TMEM168: variants seen among roughly 807,000 people sequenced by gnomAD.
TMEM168 encodes the protein transmembrane protein 168.
A neutral mutation model predicts 53.2 loss-of-function variants in TMEM168; 40 were observed. The ratio of observed to expected loss-of-function variants is 0.75; its 90% confidence interval spans 0.58 to 0.98. TMEM168 has a LOEUF of 0.98. Among genes scored for constraint, TMEM168 ranks in the 50% least tolerant of loss-of-function variants. The pLI is 0.00. For synonymous variants in TMEM168, 282 were observed against 293.0 expected (o/e 0.96, Z 0.38); for missense variants, 771 against 828.8 (o/e 0.93, Z 0.86).
In TMEM168 at chr7:112,766,992, A is replaced by T; in HGVS notation, c.*205T>A. 1 of 553,382 alleles carries T rather than the reference A, an allele frequency of 1.8e-6. No homozygotes were observed. Among genetic ancestry groups the T allele is most frequent in the Non-Finnish European group, 3.2e-6 (1 of 317,392 alleles). The allele number at this position is 553,382 out of a possible 1,614,324, so 34.3% of individuals were successfully genotyped here. On this transcript the variant is annotated 3_prime_UTR_variant, in exon 5 of 5. Transcript: ENST00000312814. ...CGTCTCTTATGCATTTACAGTAAGC[A>T]TTTGACTCCCTACATACTTTCATTA...
rs536583771 is a variant in TMEM168 at position 112,762,874 on chromosome 7, G to C, written c.*4323C>G. Reference sequence around the variant, plus strand: ...TTCTATGTGTTATAATTAGTGAATAGGTAAGACAATATAAAAAAGGAGATA... The same window carrying C: ...TTCTATGTGTTATAATTAGTGAATACGTAAGACAATATAAAAAAGGAGATA... On this transcript the variant is annotated 3_prime_UTR_variant, in exon 5 of 5. Coordinates refer to ENST00000312814, the MANE Select transcript of TMEM168 (RefSeq NM_022484.6). The C allele has an allele frequency of 2.0e-5, 3 of 151,956 alleles. No individual in the cohort carries two copies. Among genetic ancestry groups the C allele is most frequent in the Non-Finnish European group, 4.4e-5 (3 of 67,882 alleles). 9.4% of individuals were successfully genotyped at this position (151,956 alleles called of 1,614,324 possible).
rs1253472515 is a variant in TMEM168 at position 112,765,794 on chromosome 7, TC to T, written c.*1402del. 1 of 152,542 alleles carries T rather than the reference TC, an allele frequency of 6.6e-6. No homozygotes were observed. The highest frequency in any genetic ancestry group is 2.4e-5 in the African/African-American group (1 of 41,432). 9.4% of individuals were successfully genotyped at this position (152,542 alleles called of 1,614,324 possible). A position where few individuals can be genotyped will look rare whatever the true frequency, so the allele number is the denominator to read the frequency against. ...AATCATATTCAAAACACAGAAATAA[TC>T]AGACTATAACAATGCTGCATAGATA... is the stretch of plus-strand genomic sequence containing the variant. On this transcript the variant is annotated 3_prime_UTR_variant, in exon 5 of 5. Transcript: ENST00000312814.
intron 4 of TMEM168, among the ~76,000 whole-genome samples, chr7:112,770,503 C>T (rs1227173): frequency 0.032 from 4,806 of 152,144 alleles, 240 homozygotes; most frequent in African/African-American, 0.11. Context: ...AATGTAACTG[C>T]TAAACATTTA....
At position 112,767,206 on chromosome 7, in the gene TMEM168, G is replaced by C. The variant is rs1361766031; in HGVS notation, c.2085C>G (p.Val695=). ...CGCTTTGGGGTCCAAATTAAGATTT[G>C]ACAAGTTTGAAGCCTTGTCCTGTGT... is the stretch of plus-strand genomic sequence containing the variant. ...VLDTGQGFKL[V]KS Residue 695 remains valine, a synonymous_variant, in exon 5 of 5, where the codon GTC becomes GTG. Coordinates refer to ENST00000312814, the MANE Select transcript of TMEM168 (RefSeq NM_022484.6). 2 of 1,608,250 alleles carry C rather than the reference G, an allele frequency of 1.2e-6. No homozygotes were observed. Among genetic ancestry groups the C allele is most frequent in the Admixed American group, 3.4e-5 (2 of 58,950 alleles).
At position 112,784,670 on chromosome 7, in the gene TMEM168, T is replaced by TA; in HGVS notation, c.155dup (p.Tyr53IlefsTer58). ...TTGCTGTTTTTTCCCATCTTACGTA[T>TA]AGACCTAAGCATATAGCAACCAATA... On this transcript the variant is annotated frameshift_variant, in exon 2 of 5. Coordinates refer to ENST00000312814, the MANE Select transcript of TMEM168 (RefSeq NM_022484.6). LOFTEE classifies it high-confidence loss of function. 1 of 1,613,766 alleles carries TA rather than the reference T, an allele frequency of 6.2e-7. No homozygotes were observed. The highest frequency in any genetic ancestry group is 8.5e-7 in the Non-Finnish European group (1 of 1,179,944).
Position 112,766,182 on chromosome 7 carries a change from T to C in TMEM168, c.*1015A>G, listed in dbSNP as rs1323441077. The C allele has an allele frequency of 6.6e-6, 1 of 152,488 alleles. No individual in the cohort carries two copies. Among genetic ancestry groups the C allele is most frequent in the African/African-American group, 2.4e-5 (1 of 41,436 alleles). 9.4% of individuals were successfully genotyped at this position (152,488 alleles called of 1,614,324 possible). Reference sequence around the variant, plus strand: ...TTATGCCTAACTAAAATTGCCAATATGAATACTTTTTTACAGAATACATTA... The same window carrying C: ...TTATGCCTAACTAAAATTGCCAATACGAATACTTTTTTACAGAATACATTA... On this transcript the variant is annotated 3_prime_UTR_variant, in exon 5 of 5. Transcript: ENST00000312814.
At position 112,767,331 on chromosome 7, in the gene TMEM168, C is replaced by T; in HGVS notation, c.1960G>A (p.Ala654Thr). ...PRITYPLVHLANWLCGLNLFW... is the reference protein window; with the variant it reads ...PRITYPLVHLTNWLCGLNLFW... ...AGGTTCAGACCGCATAACCAATTTG[C>T]CAAATGCACTAGGGGATATGTAATA... Residue 654 changes from alanine (A) to threonine (T), a missense_variant, in exon 5 of 5, where the codon GCA (alanine) becomes ACA (threonine). Physicochemically the swap from Ala to Thr is moderately conservative, Grantham distance 58. Transcript: ENST00000312814. 6.2e-7 allele frequency: 1 copy of T among 1,614,120 alleles called. No homozygotes were observed. Among genetic ancestry groups the T allele is most frequent in the Non-Finnish European group, 8.5e-7 (1 of 1,180,002 alleles).
rs1006241178 is a variant in TMEM168, at chr7:112,766,005, C to A, written c.*1192G>T. On this transcript the variant is annotated 3_prime_UTR_variant, in exon 5 of 5. Transcript: ENST00000312814. The stretch of plus-strand genomic sequence containing the variant: ...GATTATACCCCAATTTAATTCTATT[C>A]CCTTCTTGTTTGTTATTTCTCATAG... 1 of 152,496 alleles carries A rather than the reference C, an allele frequency of 6.6e-6. No individual in the cohort carries two copies. Among genetic ancestry groups the A allele is most frequent in the Non-Finnish European group, 1.5e-5 (1 of 67,992 alleles). The allele number at this position is 152,496 out of a possible 1,614,324, so 9.4% of individuals were successfully genotyped here.
rs551588145 is a variant in TMEM168 at position 112,767,827 on chromosome 7, G to A, written c.1547-83C>T. ...ACCCTCTTAATCATTTTCTTCTAGAGAGAAAATACTCTTGTTATACATGTA... is the reference window on the plus strand; with the variant it reads ...ACCCTCTTAATCATTTTCTTCTAGAAAGAAAATACTCTTGTTATACATGTA... On this transcript the variant is annotated intron_variant, in intron 4 of 4. Coordinates refer to ENST00000312814, the MANE Select transcript of TMEM168 (RefSeq NM_022484.6). 2.1e-4 allele frequency: 263 copies of A among 1,236,576 alleles called. 2 individuals carry two copies. In the South Asian group the frequency reaches 3.6e-3, roughly 17 times the overall value. The allele number at this position is 1,236,576 out of a possible 1,614,324, so 76.6% of individuals were successfully genotyped here.
intron 1 of TMEM168, among the ~76,000 whole-genome samples, chr7:112,789,653 G>A (rs923766692): frequency 4.6e-5 from 7 of 152,154 alleles, no homozygotes; most frequent in Non-Finnish European, 1.0e-4. Flanking sequence ...GAGGCATACC[G>A]TATCACTTGC....
At chr7:112,777,166 G>C (rs2116264825) in intron 2 of TMEM168, among the ~76,000 whole-genome samples, 1 of 151,942 alleles carries the variant, frequency 6.6e-6, no homozygotes, top group East Asian at 1.9e-4. Context: ...TTATAATATA[G>C]TCACTTTATG....
intron 1 of TMEM168, among the ~76,000 whole-genome samples, chr7:112,786,954 A>G (rs1338315846): frequency 1.3e-5 from 2 of 152,166 alleles, no homozygotes; most frequent in East Asian, 1.9e-4. Flanking sequence ...ACCTCTACTT[A>G]TATCTCCGAA....
chr7:112,773,077 G>A, intron 3 of TMEM168, 22 bp from the exon 4 acceptor site: 1 of 1,572,658 alleles, frequency 6.4e-7, no homozygotes, highest in Middle Eastern at 1.7e-4. Context: ...GAAAAAACAA[G>A]AAGTACTCAT....
At chr7:112,770,889 T>C (rs1326830219) in intron 4 of TMEM168, among the ~76,000 whole-genome samples, 1 of 152,164 alleles carries the variant, frequency 6.6e-6, no homozygotes, top group Admixed American at 6.5e-5. Flanking sequence ...ATTAGCCCTG[T>C]TTTTTCCATT....
chr7:112,783,748 C>A lies in TMEM168; in HGVS notation c.1078G>T (p.Val360Leu), dbSNP rs2116295539. The change falls in exon 2 of 5, where the codon GTG becomes TTG. Residue 360 changes from valine to leucine, a missense_variant. Val to Leu is a conservative substitution (Grantham distance 32). Transcript: ENST00000312814. ...GCTGTTGCAAGAAGACTAAAGAACA[C>A]CAACTGCTCTGAAATCAAGCAAAAA... ...RHFCLISEQL[V>L]FFSLLATAIL... The A allele has an allele frequency of 6.4e-7, 1 of 1,564,512 alleles. No homozygotes were observed. Among genetic ancestry groups the A allele is most frequent in the Admixed American group, 2.0e-5 (1 of 49,628 alleles).
At chr7:112,785,775 A>T (rs1793362705) in intron 1 of TMEM168, among the ~76,000 whole-genome samples, 1 of 152,242 alleles carries the variant, frequency 6.6e-6, no homozygotes, top group African/African-American at 2.4e-5. Flanking sequence ...TCCACAAGTC[A>T]CACCTAAAAA....
intron 4 of TMEM168, among the ~76,000 whole-genome samples, chr7:112,768,245 A>T (rs1792838930): frequency 6.6e-6 from 1 of 152,222 alleles, no homozygotes; most frequent in South Asian, 2.1e-4. Context: ...TATTTTCATA[A>T]ATAAGTTTAT....
At chr7:112,785,454 A>G (rs1328377363) in intron 1 of TMEM168, among the ~76,000 whole-genome samples, 1 of 152,228 alleles carries the variant, frequency 6.6e-6, no homozygotes, top group Non-Finnish European at 1.5e-5. Flanking sequence ...CTAGAATGTT[A>G]CACAAGGTCT....
intron 1 of TMEM168, among the ~76,000 whole-genome samples, chr7:112,785,743 G>C (rs1793361773): frequency 6.6e-6 from 1 of 152,178 alleles, no homozygotes; most frequent in African/African-American, 2.4e-5. Context: ...GTATTTGTTA[G>C]TGGACCCACG....
Sources: gnomAD v4.1 joint callset for allele counts (sites outside exome capture counted in the v4.1 genomes callset) on GRCh38, gnomAD v4.1.1 for gene constraint, MANE v1.5 for transcripts, NCBI Gene and HGNC (gene_info 2026-07-23, HGNC 2026-07-21) for gene names.